WNK2: variants seen among roughly 807,000 people sequenced by gnomAD.
The protein encoded by WNK2 is WNK lysine deficient protein kinase 2, also known as serine/threonine-protein kinase WNK2.
WNK2 carries 67 observed loss-of-function variants against 192.1 expected under a neutral mutation model. The observed-to-expected ratio is 0.35, with a 90% CI of 0.29 to 0.43. The LOEUF (loss-of-function observed/expected upper bound fraction) is 0.43. WNK2 is among the 20% of genes least tolerant of loss of function. The pLI is 1.00. For missense variants in WNK2, 2,698 were observed against 3,089.7 expected (o/e 0.87, Z 3.01); for synonymous variants, 1,439 against 1,393.9 (o/e 1.03, Z -0.72).
At position 93,238,315 on chromosome 9, in the gene WNK2, A is replaced by T; in HGVS notation, c.1316A>T (p.Glu439Val). The T allele has an allele frequency of 6.2e-7, 1 of 1,613,936 alleles. No individual in the cohort carries two copies. Among genetic ancestry groups the T allele is most frequent in the Non-Finnish European group, 8.5e-7 (1 of 1,179,814 alleles). ...IIGECICKNK[E>V]ERYEIKDLLS... ...GGGGAGTGTATCTGCAAAAACAAGG[A>T]GGAAAGGTGAGTTCCCCTGAAGGGC... Residue 439 changes from glutamate (E) to valine (V), a missense_variant, in exon 6 of 30, where the codon GAG becomes GTG. Glu to Val is a moderately radical substitution (Grantham distance 121). Transcript: ENST00000427277.
intron 2 of WNK2, among the ~76,000 whole-genome samples, chr9:93,209,182 C>G (rs1834021930): frequency 6.6e-6 from 1 of 152,146 alleles, no homozygotes; most frequent in African/African-American, 2.4e-5. Flanking sequence ...GCCAGCTCCA[C>G]CCCAGGTAGG....
chr9:93,295,725 C>T (rs549471624), intron 23 of WNK2, among the ~76,000 whole-genome samples: 4 of 150,258 alleles, frequency 2.7e-5, no homozygotes, highest in Middle Eastern at 3.4e-3. Flanking sequence ...ATCCTCCCCT[C>T]ACCTTCCTCC....
intron 16 of WNK2, 58 bp from the exon 17 acceptor site, chr9:93,267,688 G>T (rs1845387181): frequency 6.7e-7 from 1 of 1,498,164 alleles, no homozygotes; most frequent in South Asian, 1.3e-5. Flanking sequence ...TCCAGATGAA[G>T]ACCTAGGGTG....
intron 29 of WNK2, 37 bp from the exon 30 acceptor site, chr9:93,320,330 G>A (rs1564258118): frequency 2.2e-6 from 3 of 1,367,356 alleles, no homozygotes; most frequent in South Asian, 1.1e-5. Flanking sequence ...CAGCACTGCG[G>A]TGGGCCCACA....
At chr9:93,318,197 G>C (rs1406916310) in intron 29 of WNK2, 2 of 1,486,026 alleles carry the variant, frequency 1.3e-6, no homozygotes, top group Non-Finnish European at 8.9e-7. Flanking sequence ...TTTGCAATTG[G>C]CTTGTGCATT....
rs1395631554 is a variant in WNK2, at chr9:93,264,128, G to T, written c.3696+95G>T. 32 of 964,228 alleles carry T rather than the reference G, an allele frequency of 3.3e-5. 1 individual carries two copies. In the South Asian group the frequency reaches 4.0e-4, roughly 12 times the overall value. 59.7% of individuals were successfully genotyped at this position (964,228 alleles called of 1,614,324 possible). On this transcript the variant is annotated intron_variant, in intron 16 of 29. Transcript: ENST00000427277. ...CAGGTCACATGTCGAGCCTGGCCTTGTGTGGAGGTGTCGGTTGGCCCAGGG... is the reference window on the plus strand; with the variant it reads ...CAGGTCACATGTCGAGCCTGGCCTTTTGTGGAGGTGTCGGTTGGCCCAGGG...
intron 19 of WNK2, among the ~76,000 whole-genome samples, chr9:93,269,211 T>TCTGCAC (rs10673428): frequency 0.75 from 113,148 of 150,776 alleles, 44,114 homozygotes; most frequent in East Asian, 1. Context: ...TGTGCATTGA[T>TCTGCAC]CTGCACCTGC....
chr9:93,320,312 C>T lies in WNK2; in HGVS notation c.6629-55C>T, dbSNP rs370584601. On this transcript the variant is annotated intron_variant, in intron 29 of 29. Transcript: ENST00000427277. ...GAGGGTGTCAGGGCCTGGCCCTTGG[C>T]GAGTGGCCAGCACTGCGGTGGGCCC... The T allele has an allele frequency of 4.3e-5, 59 of 1,366,346 alleles. 1 individual carries two copies. The highest frequency in any genetic ancestry group is 2.5e-4 in the South Asian group (22 of 87,982). 84.6% of individuals were successfully genotyped at this position (1,366,346 alleles called of 1,614,324 possible).
intron 2 of WNK2, among the ~76,000 whole-genome samples, chr9:93,228,884 G>A (rs1466408643): frequency 6.6e-6 from 1 of 152,158 alleles, no homozygotes; most frequent in African/African-American, 2.4e-5. Flanking sequence ...AGACAGGGTG[G>A]TGGGAGTCAG....
At position 93,185,743 on chromosome 9, in the gene WNK2, G is replaced by A; in HGVS notation, c.681+133G>A. ...CGGGGCTCCATGTGTGTCACCCTCT[G>A]TGTGGATGGCTGGCAGGATGCATAC... On this transcript the variant is annotated intron_variant, in intron 2 of 29. Coordinates refer to ENST00000427277, the MANE Select transcript of WNK2 (RefSeq NM_006648.4). 4.7e-6 allele frequency: 5 copies of A among 1,067,288 alleles called. No individual in the cohort carries two copies. The South Asian group carries it at 7.1e-5, about 15-fold the overall frequency. 66.1% of individuals were successfully genotyped at this position (1,067,288 alleles called of 1,614,324 possible).
intron 26 of WNK2, among the ~76,000 whole-genome samples, chr9:93,305,806 G>C (rs532717877): frequency 6.2e-4 from 94 of 152,350 alleles, no homozygotes; most frequent in Non-Finnish European, 1.1e-3. Flanking sequence ...GCGTGTTCCT[G>C]CTGCGGAGGG....
At chr9:93,219,255 C>G (rs1836353877) in intron 2 of WNK2, among the ~76,000 whole-genome samples, 1 of 152,254 alleles carries the variant, frequency 6.6e-6, no homozygotes, top group Non-Finnish European at 1.5e-5. Context: ...ACCAACACCC[C>G]CAGTCCCATT....
intron 5 of WNK2, 105 bp from the exon 6 acceptor site, chr9:93,238,128 G>T: frequency 1.0e-6 from 1 of 961,068 alleles, no homozygotes; most frequent in Non-Finnish European, 1.7e-6. Context: ...TAAGTCCAGT[G>T]CCCGTGTCCT....
chr9:93,319,094 C>A, intron 29 of WNK2: 1 of 1,614,014 alleles, frequency 6.2e-7, no homozygotes, highest in East Asian at 2.2e-5. Context: ...GTGGGGGCTG[C>A]CCTCACCTGT....
intron 23 of WNK2, 86 bp downstream of exon 23, chr9:93,293,259 T>A (rs978180581): frequency 7.6e-7 from 1 of 1,322,768 alleles, no homozygotes; most frequent in Non-Finnish European, 9.8e-7. Flanking sequence ...GTGCCGGGGC[T>A]GAAGTCCTGG....
chr9:93,281,815 G>A (rs912017559), intron 19 of WNK2, among the ~76,000 whole-genome samples: 4 of 152,200 alleles, frequency 2.6e-5, no homozygotes, highest in Admixed American at 2.0e-4. Flanking sequence ...TCTCAGTACA[G>A]ATAACATATG....
intron 23 of WNK2, among the ~76,000 whole-genome samples, chr9:93,297,082 C>T (rs984936080): frequency 7.4e-6 from 1 of 135,430 alleles, no homozygotes; most frequent in Non-Finnish European, 1.6e-5. Context: ...ATCCTCTTCT[C>T]GGCTTCCTCC....
At position 93,229,830 on chromosome 9, in the gene WNK2, G is replaced by C. The variant is rs764341005; in HGVS notation, c.816G>C (p.Val272=). ...ESSAKGKRCI[V]LVTELMTSGT... ...GCGCCAAGGGCAAGCGGTGCATTGT[G>C]CTGGTGACGGAGCTGATGACCTCAG... Residue 272 remains valine, a synonymous_variant, in exon 3 of 30, where the codon GTG becomes GTC. Transcript: ENST00000427277. This position sits in a 1 kb window ranked among gnomAD's most constrained non-coding sequence, Gnocchi z 4.9. 6.2e-7 allele frequency: 1 copy of C among 1,613,956 alleles called. No individual in the cohort carries two copies. Among genetic ancestry groups the C allele is most frequent in the South Asian group, 1.1e-5 (1 of 91,086 alleles).
Position 93,230,987 on chromosome 9 carries a change from C to A in WNK2, c.954C>A (p.Pro318=). The change falls in exon 4 of 30, where the codon CCC becomes CCA. Residue 318 remains proline, a synonymous_variant. Coordinates refer to ENST00000427277, the MANE Select transcript of WNK2 (RefSeq NM_006648.4). ...GLLFLHTRTP[P]IIHRDLKCDN... ...TGTTCCTGCACACAAGGACGCCACC[C>A]ATCATCCACCGAGACCTGAAATGTG... 2 of 1,613,908 alleles carry A rather than the reference C, an allele frequency of 1.2e-6. No homozygotes were observed. Among genetic ancestry groups the A allele is most frequent in the Non-Finnish European group, 1.7e-6 (2 of 1,179,874 alleles).
Sources: gnomAD v4.1 joint callset for allele counts (sites outside exome capture counted in the v4.1 genomes callset) on GRCh38, gnomAD v4.1.1 for gene constraint, Gnocchi (gnomAD v3.1) non-coding constraint, MANE v1.5 for transcripts, NCBI Gene and HGNC (gene_info 2026-07-23, HGNC 2026-07-21) for gene names.